The following CTNNA3 variants were observed in gnomAD, a reference collection of about 807,000 sequenced individuals.
The protein encoded by CTNNA3 is catenin alpha-3.
In CTNNA3, 76 loss-of-function variants were observed where a neutral mutation model predicts 95.7. The ratio of observed to expected loss-of-function variants is 0.79; its 90% CI spans 0.66 to 0.96. CTNNA3 has a LOEUF of 0.96. Ranked by LOEUF, CTNNA3 falls within the 40% of genes least tolerant of loss-of-function variation. The pLI is 0.00. For synonymous variants in CTNNA3, 431 were observed against 374.4 expected, an observed-to-expected ratio of 1.15 and a Z score of -1.74; for missense variants, 1,191 against 1,089.8, an observed-to-expected ratio of 1.09 and a Z score of -1.31.
intron 11 of CTNNA3, among the ~76,000 whole-genome samples, chr10:66,389,316 A>C (rs2092917819): frequency 6.6e-6 from 1 of 152,144 alleles, no homozygotes; most frequent in African/African-American, 2.4e-5. Context: ...GCACATTTAG[A>C]ATATTATGTT....
At chr10:67,233,799 A>C (rs1305680669) in intron 5 of CTNNA3, among the ~76,000 whole-genome samples, 1 of 152,094 alleles carries the variant, frequency 6.6e-6, no homozygotes, top group Non-Finnish European at 1.5e-5. Flanking sequence ...AGAAGAATCA[A>C]ATAGATGCAA....
At chr10:67,443,130 A>C (rs1846594634) in intron 5 of CTNNA3, among the ~76,000 whole-genome samples, 1 of 148,534 alleles carries the variant, frequency 6.7e-6, no homozygotes, top group Non-Finnish European at 1.5e-5. Context: ...TGAACTCATC[A>C]TTTTTTATGG....
intron 7 of CTNNA3, among the ~76,000 whole-genome samples, chr10:67,173,127 A>C (rs895000254): frequency 2.6e-5 from 4 of 152,192 alleles, no homozygotes; most frequent in Admixed American, 1.3e-4. Context: ...TTCATTGTTC[A>C]AGGGCTATAA....
At chr10:66,023,397 A>T (rs1293826044) in intron 15 of CTNNA3, among the ~76,000 whole-genome samples, 2 of 78,384 alleles carry the variant, frequency 2.6e-5, no homozygotes, top group African/African-American at 8.2e-5. Context: ...TAAGTGGCAA[A>T]CAGAGAGAGG....
intron 15 of CTNNA3, among the ~76,000 whole-genome samples, chr10:66,005,267 G>A (rs984393603): frequency 6.6e-6 from 1 of 152,178 alleles, no homozygotes; most frequent in African/African-American, 2.4e-5. Flanking sequence ...ATCGTGGAGA[G>A]CCATTATTTA....
chr10:66,460,954 T>C (rs530572139), intron 11 of CTNNA3, among the ~76,000 whole-genome samples: 1 of 152,282 alleles, frequency 6.6e-6, no homozygotes, highest in Admixed American at 6.5e-5. Context: ...TTTTAATTCC[T>C]GAAGTTTTTC....
intron 15 of CTNNA3, among the ~76,000 whole-genome samples, chr10:66,054,157 T>C (rs1048402292): frequency 1.3e-5 from 2 of 152,228 alleles, no homozygotes; most frequent in Non-Finnish European, 2.9e-5. Flanking sequence ...ATTCCATTTC[T>C]TGGCTATTGT....
intron 7 of CTNNA3, among the ~76,000 whole-genome samples, chr10:66,856,659 A>G (rs4388766): frequency 0.58 from 88,835 of 151,914 alleles, 27,062 homozygotes; most frequent in African/African-American, 0.64. Flanking sequence ...CTAATGATTA[A>G]TAATGTCGAG....
intron 9 of CTNNA3, among the ~76,000 whole-genome samples, chr10:66,744,541 A>G (rs1413666608): frequency 6.6e-6 from 1 of 152,188 alleles, no homozygotes; most frequent in Non-Finnish European, 1.5e-5. Flanking sequence ...CCAGTGCTCC[A>G]TATCACCTAT....
At chr10:66,526,851 AT>A (rs1841285253) in intron 10 of CTNNA3, among the ~76,000 whole-genome samples, 3 of 152,098 alleles carry the variant, frequency 2.0e-5, no homozygotes, top group Non-Finnish European at 4.4e-5. Flanking sequence ...ATCTCTGATC[AT>A]ATATATGATT....
chr10:66,737,328 GC>G (rs1414101427), intron 9 of CTNNA3, among the ~76,000 whole-genome samples: 1 of 152,002 alleles, frequency 6.6e-6, no homozygotes, highest in African/African-American at 2.4e-5. Context: ...ATATTCCGTG[GC>G]CAGTGTTGCA....
At chr10:65,954,279 G>C (rs1331899899) in intron 17 of CTNNA3, among the ~76,000 whole-genome samples, 1 of 152,184 alleles carries the variant, frequency 6.6e-6, no homozygotes, top group Non-Finnish European at 1.5e-5. Context: ...GTAGATTCTG[G>C]ATATTAGACC....
intron 10 of CTNNA3, among the ~76,000 whole-genome samples, chr10:66,536,066 A>C (rs1342359009): frequency 1.3e-5 from 2 of 151,930 alleles, no homozygotes; most frequent in Admixed American, 1.3e-4. Flanking sequence ...TTTTAGAGTC[A>C]TTGACATAGA....
chr10:66,449,990 G>T (rs1361393127), intron 11 of CTNNA3, among the ~76,000 whole-genome samples: 3 of 149,862 alleles, frequency 2.0e-5, no homozygotes, highest in African/African-American at 7.4e-5. Flanking sequence ...CTCCATCAGA[G>T]ATCTTAGTCT....
chr10:67,440,057 G>T (rs1019173866), intron 5 of CTNNA3, among the ~76,000 whole-genome samples: 1 of 152,134 alleles, frequency 6.6e-6, no homozygotes, highest in Non-Finnish European at 1.5e-5. Flanking sequence ...CCAGACCTAG[G>T]TTCTTAAACA....
intron 5 of CTNNA3, among the ~76,000 whole-genome samples, chr10:67,294,961 C>T (rs947221420): frequency 6.6e-6 from 1 of 152,136 alleles, no homozygotes; most frequent in Non-Finnish European, 1.5e-5. Flanking sequence ...GTTACTTTAG[C>T]AGTATTGGTA....
At chr10:66,584,647 G>A (rs1843301019) in intron 10 of CTNNA3, among the ~76,000 whole-genome samples, 1 of 151,888 alleles carries the variant, frequency 6.6e-6, no homozygotes, top group African/African-American at 2.4e-5. Context: ...CATTCTGTCA[G>A]TGTGCATCTT....
intron 9 of CTNNA3, among the ~76,000 whole-genome samples, chr10:66,667,298 G>A (rs1260521006): frequency 8.4e-6 from 1 of 118,468 alleles, no homozygotes; most frequent in Non-Finnish European, 1.7e-5. Flanking sequence ...AGATATTTTG[G>A]AATGTAATAC....
chr10:67,710,227 T>C (rs1841099954), intron 1 of CTNNA3, among the ~76,000 whole-genome samples: 1 of 152,020 alleles, frequency 6.6e-6, no homozygotes, highest in South Asian at 2.1e-4. Flanking sequence ...TAGCACAACC[T>C]GGAATGGACT....
Sources: allele counts gnomAD v4.1 joint callset (sites outside exome capture counted in the v4.1 genomes callset), GRCh38; gene constraint gnomAD v4.1.1; transcripts MANE v1.5; gene names NCBI Gene and HGNC (gene_info 2026-07-23, HGNC 2026-07-21).